Variants in CFAP300 observed in about 807,000 individuals in gnomAD.
The protein encoded by CFAP300 is cilia- and flagella-associated protein 300.
In CFAP300, 32 loss-of-function variants were observed where a neutral mutation model predicts 33.0. The ratio of observed to expected loss-of-function variants is 0.97; its 90% CI spans 0.73 to 1.30. CFAP300 has a LOEUF of 1.30. Ranked by LOEUF, CFAP300 falls within the 50% of genes most tolerant of loss-of-function variation. The pLI is 0.00. For missense variants in CFAP300, 356 were observed against 318.1 expected, an observed-to-expected ratio of 1.12 and a Z score of -0.90; for synonymous variants, 102 against 106.8, an observed-to-expected ratio of 0.95 and a Z score of 0.28.
At chr11:102,057,885 G>C (rs1049475333) in intron 2 of CFAP300, 3 of 152,308 alleles carry the variant, frequency 2.0e-5, no homozygotes, top group African/African-American at 7.2e-5. Context: ...AATGCTGGAA[G>C]CTAAGCAGGA....
At chr11:102,048,494 C>G (rs563871351) in intron 2 of CFAP300, among the ~76,000 whole-genome samples, 1 of 152,292 alleles carries the variant, frequency 6.6e-6, no homozygotes, top group East Asian at 1.9e-4. Context: ...CACCCCCAGC[C>G]TCTCTTTTTC....
At chr11:102,049,589 A>G (rs538888985) in intron 2 of CFAP300, among the ~76,000 whole-genome samples, 1 of 152,144 alleles carries the variant, frequency 6.6e-6, no homozygotes, top group Admixed American at 6.5e-5. Flanking sequence ...CATTAATAAC[A>G]TTTCTCAAAT....
intron 3 of CFAP300, among the ~76,000 whole-genome samples, chr11:102,063,563 C>T (rs73593078): frequency 0.011 from 1,681 of 152,254 alleles, 40 homozygotes; most frequent in African/African-American, 0.039. Context: ...CAAGGTGGCT[C>T]ACCCCTGTAA....
rs1942391844 is a variant in CFAP300 at position 102,076,121 on chromosome 11, A to C, written c.608+76A>C. The C allele has an allele frequency of 2.0e-6, 3 of 1,472,778 alleles. No individual in the cohort carries two copies. In the South Asian group the frequency reaches 4.5e-5, roughly 22 times the overall value. The allele number at this position is 1,472,778 out of a possible 1,614,324, so 91.2% of individuals were successfully genotyped here. ...ATTTGCTTAACCTTGATGGAATTAC[A>C]CAACATCATTCAGTGGTTATATTAA... is the stretch of plus-strand genomic sequence containing the variant. On this transcript the variant is annotated intron_variant, in intron 5 of 6. Transcript: ENST00000434758.
At chr11:102,063,288 G>A (rs1399889312) in intron 3 of CFAP300, among the ~76,000 whole-genome samples, 2 of 152,218 alleles carry the variant, frequency 1.3e-5, no homozygotes, top group Non-Finnish European at 2.9e-5. Flanking sequence ...GACTTTCTAC[G>A]TTAAGGGCTT....
chr11:102,053,092 G>C (rs1359677885), intron 2 of CFAP300, among the ~76,000 whole-genome samples: 2 of 151,954 alleles, frequency 1.3e-5, no homozygotes, highest in Admixed American at 6.6e-5. Context: ...AGGTGGCCAT[G>C]GTGGCAGGTG....
chr11:102,065,533 G>T (rs985250807), intron 3 of CFAP300, among the ~76,000 whole-genome samples: 1 of 151,988 alleles, frequency 6.6e-6, no homozygotes, highest in Admixed American at 6.6e-5. Context: ...TTGGGAAGCC[G>T]AGGCGGGCGG....
At chr11:102,073,421 C>G (rs903481736) in intron 4 of CFAP300, among the ~76,000 whole-genome samples, 1 of 152,140 alleles carries the variant, frequency 6.6e-6, no homozygotes, top group African/African-American at 2.4e-5. Context: ...GGGGCAAACC[C>G]CAGAGTCCTG....
In CFAP300 at chr11:102,047,500, T is replaced by C. The variant is rs1941895595; in HGVS notation, c.30T>C (p.Gly10=). MATGELGDL[G]GYYFRFLPQK... ...CTACTGGGGAGCTCGGGGACTTGGG[T>C]GGCTACTACTTCAGGTTCTTGCCTC... The change falls in exon 1 of 7, where the codon GGT becomes GGC. Residue 10 remains glycine (G), a synonymous_variant. Transcript: ENST00000434758. 6.5e-7 allele frequency: 1 copy of C among 1,535,890 alleles called. No individual in the cohort carries two copies. The highest frequency in any genetic ancestry group is 8.7e-7 in the Non-Finnish European group (1 of 1,146,756).
intron 2 of CFAP300, among the ~76,000 whole-genome samples, chr11:102,055,978 C>T (rs1942051416): frequency 6.6e-6 from 1 of 152,034 alleles, no homozygotes; most frequent in Non-Finnish European, 1.5e-5. Flanking sequence ...CCTAAACTAC[C>T]CTTTTTTAAC....
At chr11:102,061,762 C>T (rs1942152480) in intron 3 of CFAP300, among the ~76,000 whole-genome samples, 1 of 152,204 alleles carries the variant, frequency 6.6e-6, no homozygotes, top group Non-Finnish European at 1.5e-5. Flanking sequence ...CTGTCACTTC[C>T]ACGTTGATGG....
chr11:102,066,450 T>C lies in CFAP300; in HGVS notation c.269-35T>C, dbSNP rs778727588. On this transcript the variant is annotated intron_variant, in intron 3 of 6. Coordinates refer to ENST00000434758, the MANE Select transcript of CFAP300 (RefSeq NM_032930.3). The stretch of plus-strand genomic sequence containing the variant: ...TAGTTGAGAATACTAAATTAATTTT[T>C]CTATCTCCATTCTTTATAAAATATC... 2.7e-6 allele frequency: 4 copies of C among 1,468,832 alleles called. No individual in the cohort carries two copies. In the South Asian group the frequency reaches 4.0e-5, roughly 15 times the overall value. 91.0% of individuals were successfully genotyped at this position (1,468,832 alleles called of 1,614,324 possible).
chr11:102,058,533 T>G (rs1176492377), intron 2 of CFAP300, among the ~76,000 whole-genome samples: 1 of 149,252 alleles, frequency 6.7e-6, no homozygotes, highest in Admixed American at 6.9e-5. Context: ...CAGTTACTTT[T>G]GGATTTAGAT....
At chr11:102,056,915 G>A (rs559899959) in intron 2 of CFAP300, among the ~76,000 whole-genome samples, 51 of 150,812 alleles carry the variant, frequency 3.4e-4, no homozygotes, top group African/African-American at 1.1e-3. Flanking sequence ...CTGAGCCACC[G>A]CACCTGGCCC....
intron 4 of CFAP300, among the ~76,000 whole-genome samples, chr11:102,071,870 T>G (rs776694984): frequency 6.6e-6 from 1 of 152,176 alleles, no homozygotes; most frequent in African/African-American, 2.4e-5. Context: ...GACACTTTTC[T>G]CTTGCTGTTT....
Position 102,067,839 on chromosome 11 carries a change from T to C in CFAP300, c.435+1188T>C, listed in dbSNP as rs541355137. Reference sequence around the variant, plus strand: ...GGAGGATTGCTTGAGCCCAGGAGTTTGAGGCTGCTGTGAGCTATGATTGTG... The same window carrying C: ...GGAGGATTGCTTGAGCCCAGGAGTTCGAGGCTGCTGTGAGCTATGATTGTG... On this transcript the variant is annotated intron_variant, in intron 4 of 6. Transcript: ENST00000434758. Among the ~76,000 whole-genome samples the C allele has an allele frequency of 3.3e-5, 5 of 152,196 alleles. No homozygotes were observed. The East Asian group carries it at 9.7e-4, about 30-fold the overall frequency.
chr11:102,053,546 C>T (rs1025598065), intron 2 of CFAP300, among the ~76,000 whole-genome samples: 1 of 136,744 alleles, frequency 7.3e-6, no homozygotes, highest in African/African-American at 2.9e-5. Flanking sequence ...AGCAAAACTC[C>T]ATCAAAAACA....
Position 102,047,564 on chromosome 11 carries a change from AGCCGGCTCC to A in CFAP300, c.98_106del (p.Arg33_Arg35del), listed in dbSNP as rs1265266559. On this transcript the variant is annotated inframe_deletion, in exon 1 of 7. Transcript: ENST00000434758. ...GTCTCTGAGCTCTAAGGAGATCACC[AGCCGGCTCC>A]GCCAGTGGTGAGGAACCGAGGCACA... 6.5e-7 allele frequency: 1 copy of A among 1,535,994 alleles called. No individual in the cohort carries two copies. Among genetic ancestry groups the A allele is most frequent in the Non-Finnish European group, 8.7e-7 (1 of 1,146,766 alleles).
At chr11:102,051,676 A>G (rs1214861226) in intron 2 of CFAP300, among the ~76,000 whole-genome samples, 1 of 152,064 alleles carries the variant, frequency 6.6e-6, no homozygotes, top group Non-Finnish European at 1.5e-5. Context: ...AAAAATAGAG[A>G]AACTTATCTT....
Sources: gnomAD v4.1 joint callset for allele counts (sites outside exome capture counted in the v4.1 genomes callset) on GRCh38, gnomAD v4.1.1 for gene constraint, MANE v1.5 for transcripts, NCBI Gene and HGNC (gene_info 2026-07-23, HGNC 2026-07-21) for gene names.